Variants in RERE observed in about 807,000 individuals in gnomAD.
RERE encodes the protein arginine-glutamic acid dipeptide repeats protein.
RERE carries 40 observed loss-of-function variants against 146.1 expected under a neutral mutation model. The observed-to-expected ratio is 0.27, with a 90% confidence interval of 0.21 to 0.36. The LOEUF (loss-of-function observed/expected upper bound fraction) is 0.36, where lower values mean the gene tolerates loss of function less well. Among genes scored for constraint, RERE ranks in the 10% least tolerant of loss-of-function variants. The pLI is 1.00. For missense variants in RERE, 1,933 were observed against 2,138.7 expected, an observed-to-expected ratio of 0.90 and a Z score of 1.90; for synonymous variants, 1,003 against 866.0, an observed-to-expected ratio of 1.16 and a Z score of -2.78.
Position 8,712,876 on chromosome 1 carries a change from G to A in RERE, c.-144-56435C>T, listed in dbSNP as rs369284934. Among the ~76,000 whole-genome samples the A allele has an allele frequency of 2.3e-4, 35 of 152,138 alleles. No homozygotes were observed. The East Asian group carries it at 6.6e-3, about 29-fold the overall frequency. ...GAAGGTCAGAAAAGCTTTAAAAACA[G>A]GAAGTCTGTGCTATAAGGTTGAGAA... On this transcript the variant is annotated intron_variant, in intron 1 of 22. Coordinates refer to ENST00000400908, the MANE Select transcript of RERE (RefSeq NM_001042681.2).
At chr1:8,408,832 G>A (rs2124452943) in intron 12 of RERE, among the ~76,000 whole-genome samples, 1 of 152,298 alleles carries the variant, frequency 6.6e-6, no homozygotes, top group Middle Eastern at 3.4e-3. Flanking sequence ...CGGGGAGGTG[G>A]AGGCTGGGCT....
intron 12 of RERE, among the ~76,000 whole-genome samples, chr1:8,416,391 C>T (rs1643764314): frequency 1.3e-5 from 2 of 152,060 alleles, no homozygotes; most frequent in African/African-American, 2.4e-5. Flanking sequence ...CGAGACCATC[C>T]TGGTTAACAT....
intron 4 of RERE, among the ~76,000 whole-genome samples, chr1:8,606,949 T>G (rs1258862464): frequency 6.6e-6 from 1 of 152,130 alleles, no homozygotes; most frequent in Non-Finnish European, 1.5e-5. Context: ...TTATATAGAC[T>G]CTAAAAAAGG....
chr1:8,577,329 C>T (rs1291482363), intron 4 of RERE, among the ~76,000 whole-genome samples: 3 of 151,996 alleles, frequency 2.0e-5, no homozygotes, highest in African/African-American at 7.3e-5. Flanking sequence ...CTCTTTCTAT[C>T]CTAGTATATT....
intron 2 of RERE, among the ~76,000 whole-genome samples, chr1:8,653,436 G>A (rs1332278177): frequency 4.6e-5 from 7 of 152,136 alleles, no homozygotes; most frequent in South Asian, 2.1e-4. Flanking sequence ...GGCCAGGCGC[G>A]ATGGCTCACG....
chr1:8,396,638 C>T (rs1306571021), intron 12 of RERE, among the ~76,000 whole-genome samples: 1 of 152,154 alleles, frequency 6.6e-6, no homozygotes, highest in Non-Finnish European at 1.5e-5. Flanking sequence ...TAAAACCCAA[C>T]TCGAATTAAC....
chr1:8,796,045 C>G (rs1482530266), intron 1 of RERE, among the ~76,000 whole-genome samples: 2 of 145,036 alleles, frequency 1.4e-5, no homozygotes, highest in Non-Finnish European at 3.0e-5. Context: ...ATGTTTTAAA[C>G]TACTATCATA....
intron 7 of RERE, chr1:8,525,905 A>T: frequency 7.1e-7 from 1 of 1,413,068 alleles, no homozygotes. Flanking sequence ...GAGACCTCAT[A>T]GAGCTTTCAC....
At chr1:8,811,880 T>C (rs1641818453) in intron 1 of RERE, among the ~76,000 whole-genome samples, 1 of 152,194 alleles carries the variant, frequency 6.6e-6, no homozygotes, top group African/African-American at 2.4e-5. Flanking sequence ...GACATTCATA[T>C]ACAGGGCCAT....
At chr1:8,727,155 G>A (rs186317707) in intron 1 of RERE, among the ~76,000 whole-genome samples, 50 of 149,088 alleles carry the variant, frequency 3.4e-4, no homozygotes, top group African/African-American at 1.2e-3. Context: ...AGGGCGCGGG[G>A]TGGGGGGAAA....
chr1:8,633,683 T>C (rs1214286602), intron 2 of RERE, among the ~76,000 whole-genome samples: 2 of 152,044 alleles, frequency 1.3e-5, no homozygotes, highest in Non-Finnish European at 2.9e-5. Context: ...TCCCAGCACT[T>C]TGGGAAGCCG....
At chr1:8,778,944 TTCAAGCAATTC>T (rs1307884999) in intron 1 of RERE, among the ~76,000 whole-genome samples, 1 of 152,030 alleles carries the variant, frequency 6.6e-6, no homozygotes, top group East Asian at 1.9e-4. Flanking sequence ...ATCTCTTGGG[TTCAAGCAATTC>T]TCCTGACTCA....
chr1:8,683,207 C>T (rs1639012633), intron 1 of RERE, among the ~76,000 whole-genome samples: 1 of 152,014 alleles, frequency 6.6e-6, no homozygotes, highest in African/African-American at 2.4e-5. Flanking sequence ...GATGCAGGCC[C>T]AGCCTCACGC....
At chr1:8,404,443 A>G (rs999715573) in intron 12 of RERE, among the ~76,000 whole-genome samples, 1 of 151,946 alleles carries the variant, frequency 6.6e-6, no homozygotes, top group Non-Finnish European at 1.5e-5. Flanking sequence ...AAACAAAAAA[A>G]AGAGATGGAG....
At chr1:8,638,840 G>C (rs1485115845) in intron 2 of RERE, among the ~76,000 whole-genome samples, 1 of 139,450 alleles carries the variant, frequency 7.2e-6, no homozygotes, top group Admixed American at 7.6e-5. Context: ...CTAGGCTGGA[G>C]TGCAGTGGCG....
chr1:8,695,921 G>C (rs1639319932), intron 1 of RERE, among the ~76,000 whole-genome samples: 2 of 152,002 alleles, frequency 1.3e-5, no homozygotes, highest in South Asian at 4.1e-4. Flanking sequence ...CTAAGCAAAA[G>C]GCATTAACAG....
chr1:8,388,670 T>C (rs1278925378), intron 12 of RERE, among the ~76,000 whole-genome samples: 4 of 152,240 alleles, frequency 2.6e-5, no homozygotes, highest in Non-Finnish European at 5.9e-5. Flanking sequence ...CGTGTGGCTG[T>C]TTTTATACCA....
At position 8,787,418 on chromosome 1, in the gene RERE, G is replaced by A. The variant is rs539332812; in HGVS notation, c.-145+29742C>T. Reference sequence around the variant, plus strand: ...TTTATAATTTGTTTAATCTGAGTCAGAACTGAAGCATTTATTTCCCTATAA... The same window carrying A: ...TTTATAATTTGTTTAATCTGAGTCAAAACTGAAGCATTTATTTCCCTATAA... On this transcript the variant is annotated intron_variant, in intron 1 of 22. Transcript: ENST00000400908. 2.0e-4 allele frequency among the ~76,000 whole-genome samples: 30 copies of A among 152,280 alleles called. 1 individual carries two copies. In the South Asian group the frequency reaches 6.0e-3, roughly 31 times the overall value.
At chr1:8,553,573 G>A (rs1645966531) in intron 6 of RERE, among the ~76,000 whole-genome samples, 1 of 152,152 alleles carries the variant, frequency 6.6e-6, no homozygotes, top group Non-Finnish European at 1.5e-5. Flanking sequence ...ACAAAAGGAT[G>A]TTGTATTTGA....
Sources: allele counts gnomAD v4.1 joint callset (sites outside exome capture counted in the v4.1 genomes callset), GRCh38; gene constraint gnomAD v4.1.1; transcripts MANE v1.5; gene names NCBI Gene and HGNC (gene_info 2026-07-23, HGNC 2026-07-21).